The following FBXO8 variants were observed in gnomAD, a reference collection of about 807,000 sequenced individuals.
The protein encoded by FBXO8 is F-box protein 8.
A neutral mutation model predicts 33.4 loss-of-function variants in FBXO8; 15 were observed. The ratio of observed to expected loss-of-function variants is 0.45; its 90% CI spans 0.30 to 0.69. FBXO8 has a LOEUF of 0.69. Ranked by LOEUF, FBXO8 falls within the 30% of genes least tolerant of loss-of-function variation. The probability of loss-of-function intolerance (pLI) is 0.08; values close to 1 mark genes in which losing one functional copy is unlikely to be tolerated. For synonymous variants in FBXO8, 132 were observed against 131.5 expected, an observed-to-expected ratio of 1.00 and a Z score of -0.02; for missense variants, 274 against 380.3, an observed-to-expected ratio of 0.72 and a Z score of 2.32.
At chr4:174,248,409 T>C (rs1183901119) in intron 3 of FBXO8, among the ~76,000 whole-genome samples, 1 of 152,078 alleles carries the variant, frequency 6.6e-6, no homozygotes, top group Admixed American at 6.6e-5. Flanking sequence ...ATAACTAGGC[T>C]ATTCACCAGA....
chr4:174,238,741 CTATA>C (rs1466632407), intron 5 of FBXO8, among the ~76,000 whole-genome samples: 1 of 141,140 alleles, frequency 7.1e-6, no homozygotes, highest in Non-Finnish European at 1.5e-5. Flanking sequence ...ATATAAATGG[CTATA>C]TATACATAGC....
Position 174,274,783 on chromosome 4 carries a change from C to G in FBXO8, c.-9+8627G>C, listed in dbSNP as rs182755802. ...TACATGAACCTTGACCTAAACCTTA[C>G]ACCTTTTACAAAAATTAACTCAAAA... On this transcript the variant is annotated intron_variant, in intron 1 of 5. Transcript: ENST00000393674. This position sits in a 1 kb window ranked among gnomAD's most constrained non-coding sequence, Gnocchi z 4.0. Among the ~76,000 whole-genome samples, 41 of 152,282 alleles carry G rather than the reference C, an allele frequency of 2.7e-4. No individual in the cohort carries two copies. The highest frequency in any genetic ancestry group is 5.0e-4 in the Non-Finnish European group (34 of 68,000).
intron 3 of FBXO8, among the ~76,000 whole-genome samples, chr4:174,250,211 AT>A (rs1736255445): frequency 6.6e-6 from 1 of 151,738 alleles, no homozygotes; most frequent in Non-Finnish European, 1.5e-5. Flanking sequence ...CAGAGCCAAC[AT>A]TACATAAATT....
At position 174,247,290 on chromosome 4, in the gene FBXO8, C is replaced by G. The variant is rs3897897; in HGVS notation, c.457-6072G>C. On this transcript the variant is annotated intron_variant, in intron 3 of 5. Coordinates refer to ENST00000393674, the MANE Select transcript of FBXO8 (RefSeq NM_012180.3). This position sits in a 1 kb window ranked among gnomAD's most constrained non-coding sequence, Gnocchi z 4.6. ...ACTAATAAAACAAAACTGTCACATA[C>G]TAGGGAGTACCTTTAATTTTTTTCC... Among the ~76,000 whole-genome samples, 1 of 151,820 alleles carries G rather than the reference C, an allele frequency of 6.6e-6. No individual in the cohort carries two copies. The highest frequency in any genetic ancestry group is 1.5e-5 in the Non-Finnish European group (1 of 67,916).
In FBXO8 at chr4:174,255,927, C is replaced by G; in HGVS notation, c.456+3772G>C. ...CATTCCTTTACTAGAATGTGGCCAC[C>G]TGCCACAAAGTACACAAGCTCATGC... is the stretch of plus-strand genomic sequence containing the variant. On this transcript the variant is annotated intron_variant, in intron 3 of 5. Transcript: ENST00000393674. This position sits in a 1 kb window ranked among gnomAD's most constrained non-coding sequence, Gnocchi z 4.3. 1 of 251,082 alleles carries G rather than the reference C, an allele frequency of 4.0e-6. No individual in the cohort carries two copies. The highest frequency in any genetic ancestry group is 4.7e-5 in the South Asian group (1 of 21,084). The allele number at this position is 251,082 out of a possible 1,614,324, so 15.6% of individuals were successfully genotyped here. A position where few individuals can be genotyped will look rare whatever the true frequency, so the allele number is the denominator to read the frequency against.
chr4:174,281,148 C>T lies in FBXO8; in HGVS notation c.-9+2262G>A, dbSNP rs576606959. 1.4e-3 allele frequency among the ~76,000 whole-genome samples: 217 copies of T among 152,148 alleles called. 1 individual carries two copies. Among genetic ancestry groups the T allele is most frequent in the African/African-American group, 4.8e-3 (199 of 41,530 alleles). On this transcript the variant is annotated intron_variant, in intron 1 of 5. Coordinates refer to ENST00000393674, the MANE Select transcript of FBXO8 (RefSeq NM_012180.3). This position sits in a 1 kb window ranked among gnomAD's most constrained non-coding sequence, Gnocchi z 4.6. ...TAATAAATAAAAGAAGAGATGATGG[C>T]GTGCGTGTGTGTGTATTTAACATCT...
intron 1 of FBXO8, among the ~76,000 whole-genome samples, chr4:174,264,388 G>A (rs1736640614): frequency 2.0e-5 from 3 of 152,114 alleles, no homozygotes; most frequent in African/African-American, 2.4e-5. Context: ...GCAGACTAGA[G>A]CATGCCTTCT....
rs1051799421 is a variant in FBXO8 at position 174,257,536 on chromosome 4, G to A, written c.456+2163C>T. Among the ~76,000 whole-genome samples the A allele has an allele frequency of 1.3e-5, 2 of 151,996 alleles. No individual in the cohort carries two copies. The highest frequency in any genetic ancestry group is 2.4e-5 in the African/African-American group (1 of 41,388). On this transcript the variant is annotated intron_variant, in intron 3 of 5. Coordinates refer to ENST00000393674, the MANE Select transcript of FBXO8 (RefSeq NM_012180.3). This position sits in a 1 kb window ranked among gnomAD's most constrained non-coding sequence, Gnocchi z 4.3. ...GATTAAATGGGCATAATAAGACTGG[G>A]GCTTAAAACAGCTGCCTCTCCTGAT...
rs996409873 is a variant in FBXO8 at position 174,252,841 on chromosome 4, T to C, written c.456+6858A>G. 1.1e-3 allele frequency among the ~76,000 whole-genome samples: 168 copies of C among 152,072 alleles called. No homozygotes were observed. Among genetic ancestry groups the C allele is most frequent in the African/African-American group, 3.8e-3 (158 of 41,494 alleles). On this transcript the variant is annotated intron_variant, in intron 3 of 5. Transcript: ENST00000393674. The surrounding 1 kb of genome is among the most constrained non-coding windows in gnomAD (Gnocchi z 5.1). Reference sequence around the variant, plus strand: ...AAAATATTAGCCAGGTGTGGTGGCATGCACCTGTAATCCCAGCTACTCCAG... The same window carrying C: ...AAAATATTAGCCAGGTGTGGTGGCACGCACCTGTAATCCCAGCTACTCCAG...
rs1169951703 is a variant in FBXO8 at position 174,274,822 on chromosome 4, T to TA, written c.-9+8587dup. On this transcript the variant is annotated intron_variant, in intron 1 of 5. Transcript: ENST00000393674. The surrounding 1 kb of genome is among the most constrained non-coding windows in gnomAD (Gnocchi z 4.0). ...ATTAACTCAAAATGGACCATAGACT[T>TA]AAACGTAAAACATAAAACTATAAAA... Among the ~76,000 whole-genome samples, 2 of 152,200 alleles carry TA rather than the reference T, an allele frequency of 1.3e-5. No homozygotes were observed. The highest frequency in any genetic ancestry group is 2.9e-5 in the Non-Finnish European group (2 of 68,032).
At position 174,263,045 on chromosome 4, in the gene FBXO8, T is replaced by C. The variant is rs1252440161; in HGVS notation, c.48A>G (p.Gln16=). ...WRVVRNQQLQ[Q]EGYSEQGYLT... ...GGTAGCCTTGCTCACTGTAGCCTTCTTGTTGCAGCTGCTGGTTTCTGACCA... is the reference window on the plus strand; with the variant it reads ...GGTAGCCTTGCTCACTGTAGCCTTCCTGTTGCAGCTGCTGGTTTCTGACCA... Residue 16 remains glutamine (Q), a synonymous_variant, in exon 2 of 6, where the codon CAA becomes CAG. Transcript: ENST00000393674. The surrounding 1 kb of genome is among the most constrained non-coding windows in gnomAD (Gnocchi z 4.2). 5 of 1,613,856 alleles carry C rather than the reference T, an allele frequency of 3.1e-6. No individual in the cohort carries two copies. In the East Asian group the frequency reaches 8.9e-5, roughly 29 times the overall value.
chr4:174,270,182 T>C lies in FBXO8; in HGVS notation c.-8-7082A>G, dbSNP rs961576427. On this transcript the variant is annotated intron_variant, in intron 1 of 5. Transcript: ENST00000393674. The surrounding 1 kb of genome is among the most constrained non-coding windows in gnomAD (Gnocchi z 4.6). ...GCCACATTAGCCGAGACAGAGCTAT[T>C]TTATTAAATTAATCTCATGTATAAG... 1.3e-5 allele frequency among the ~76,000 whole-genome samples: 2 copies of C among 152,222 alleles called. No homozygotes were observed. Among genetic ancestry groups the C allele is most frequent in the African/African-American group, 4.8e-5 (2 of 41,452 alleles).
rs1736194866 is a variant in FBXO8 at position 174,247,834 on chromosome 4, TCTGATA to T, written c.457-6622_457-6617del. Among the ~76,000 whole-genome samples the T allele has an allele frequency of 1.3e-5, 2 of 152,090 alleles. No individual in the cohort carries two copies. The highest frequency in any genetic ancestry group is 4.8e-5 in the African/African-American group (2 of 41,450). On this transcript the variant is annotated intron_variant, in intron 3 of 5. Transcript: ENST00000393674. This position sits in a 1 kb window ranked among gnomAD's most constrained non-coding sequence, Gnocchi z 4.6. Reference sequence around the variant, plus strand: ...CAGCAGCAATGGTTAAGATGACTGCTCTGATACTATTTCTTCTTTTCTACAGTGTTT... The same window carrying T: ...CAGCAGCAATGGTTAAGATGACTGCTCTATTTCTTCTTTTCTACAGTGTTT...
intron 3 of FBXO8, among the ~76,000 whole-genome samples, chr4:174,249,602 A>T (rs570321910): frequency 6.6e-4 from 101 of 152,008 alleles, no homozygotes; most frequent in African/African-American, 2.1e-3. Flanking sequence ...CAACATTTTT[A>T]AAAAAAGTCT....
At position 174,274,643 on chromosome 4, in the gene FBXO8, T is replaced by C. The variant is rs1037947822; in HGVS notation, c.-9+8767A>G. Among the ~76,000 whole-genome samples, 1 of 152,180 alleles carries C rather than the reference T, an allele frequency of 6.6e-6. No individual in the cohort carries two copies. Among genetic ancestry groups the C allele is most frequent in the African/African-American group, 2.4e-5 (1 of 41,458 alleles). On this transcript the variant is annotated intron_variant, in intron 1 of 5. Transcript: ENST00000393674. This position sits in a 1 kb window ranked among gnomAD's most constrained non-coding sequence, Gnocchi z 4.0. Reference sequence around the variant, plus strand: ...AAAATAAGGAACTGACTCCACACAATAGGTTACATGAATAAACCCAGTATC... The same window carrying C: ...AAAATAAGGAACTGACTCCACACAACAGGTTACATGAATAAACCCAGTATC...
In FBXO8 at chr4:174,257,103, GC is replaced by G. The variant is rs1736433933; in HGVS notation, c.456+2595del. The stretch of plus-strand genomic sequence containing the variant: ...AACTTGAATTTGAGCTCTTTTCTCT[GC>G]CCCCTCTCCAAACACCCTAGAGGAG... On this transcript the variant is annotated intron_variant, in intron 3 of 5. Coordinates refer to ENST00000393674, the MANE Select transcript of FBXO8 (RefSeq NM_012180.3). This position sits in a 1 kb window ranked among gnomAD's most constrained non-coding sequence, Gnocchi z 4.3. Among the ~76,000 whole-genome samples, 1 of 151,924 alleles carries G rather than the reference GC, an allele frequency of 6.6e-6. No homozygotes were observed. Among genetic ancestry groups the G allele is most frequent in the Admixed American group, 6.6e-5 (1 of 15,222 alleles).
In FBXO8 at chr4:174,251,365, T is replaced by C. The variant is rs939087597; in HGVS notation, c.456+8334A>G. On this transcript the variant is annotated intron_variant, in intron 3 of 5. Transcript: ENST00000393674. The surrounding 1 kb of genome is among the most constrained non-coding windows in gnomAD (Gnocchi z 4.2). ...AAGATTAGAAGAGGGCCTCGGAAAT[T>C]TGTCTTTCTTTCAAGTTTCTAAAAG... Among the ~76,000 whole-genome samples the C allele has an allele frequency of 1.3e-5, 2 of 152,080 alleles. No individual in the cohort carries two copies. The highest frequency in any genetic ancestry group is 1.9e-4 in the East Asian group (1 of 5,186).
rs778056634 is a variant in FBXO8, at chr4:174,262,918, C to A, written c.175G>T (p.Ala59Ser). Residue 59 changes from alanine (A) to serine (S), a missense_variant, in exon 2 of 6, where the codon GCA (alanine) becomes TCA (serine). Ala to Ser is a moderately conservative substitution (Grantham distance 99). Around this residue, in one of 2 missense-constraint regions of FBXO8, gnomAD observed 88 missense variants for 86.9 expected, o/e 1.01. Coordinates refer to ENST00000393674, the MANE Select transcript of FBXO8 (RefSeq NM_012180.3). This position sits in a 1 kb window ranked among gnomAD's most constrained non-coding sequence, Gnocchi z 4.6. ...GGIDIYHLLKARKSKEQEGFI... is the reference protein window; with the variant it reads ...GGIDIYHLLKSRKSKEQEGFI... The stretch of plus-strand genomic sequence containing the variant: ...CCTTCCTGTTCTTTCGATTTCCTTG[C>A]CTTCAAAAGATGATATATGTCAATG... The A allele has an allele frequency of 1.2e-6, 2 of 1,613,912 alleles. No homozygotes were observed. Among genetic ancestry groups the A allele is most frequent in the Non-Finnish European group, 1.7e-6 (2 of 1,179,948 alleles).
rs1376408198 is a variant in FBXO8 at position 174,274,033 on chromosome 4, T to C, written c.-9+9377A>G. On this transcript the variant is annotated intron_variant, in intron 1 of 5. Coordinates refer to ENST00000393674, the MANE Select transcript of FBXO8 (RefSeq NM_012180.3). The surrounding 1 kb of genome is among the most constrained non-coding windows in gnomAD (Gnocchi z 4.0). ...GCTTTTATTCTTAACCCACAAACCA[T>C]ATTCCCAGAACCGCTGGAGCCCATG... is the stretch of plus-strand genomic sequence containing the variant. Among the ~76,000 whole-genome samples, 3 of 152,294 alleles carry C rather than the reference T, an allele frequency of 2.0e-5. No individual in the cohort carries two copies. The highest frequency in any genetic ancestry group is 7.2e-5 in the African/African-American group (3 of 41,558).
Sources: gnomAD v4.1 joint callset for allele counts (sites outside exome capture counted in the v4.1 genomes callset) on GRCh38, gnomAD v4.1.1 for gene constraint, gnomAD v4.1.1 regional missense constraint, Gnocchi (gnomAD v3.1) non-coding constraint, MANE v1.5 for transcripts, NCBI Gene and HGNC (gene_info 2026-07-23, HGNC 2026-07-21) for gene names.